Variants in CAPZB observed in about 807,000 individuals in gnomAD.
CAPZB encodes capping actin protein of muscle Z-line subunit beta.
Under a neutral mutation model 38.1 loss-of-function variants are expected in CAPZB, and 2 were observed. The observed-to-expected ratio is 0.05, with a 90% CI of 0.02 to 0.17. The LOEUF (loss-of-function observed/expected upper bound fraction) is 0.17, where lower values mean the gene tolerates loss of function less well. Among genes scored for constraint, CAPZB ranks in the 10% least tolerant of loss-of-function variants. CAPZB has a pLI of 1.00. For missense variants in CAPZB, 161 were observed against 334.2 expected (o/e 0.48, Z 4.04); for synonymous variants, 107 against 127.4 (o/e 0.84, Z 1.08).
intron 2 of CAPZB, among the ~76,000 whole-genome samples, chr1:19,407,515 G>A (rs7512231): frequency 0.052 from 7,975 of 152,238 alleles, 690 homozygotes; most frequent in African/African-American, 0.18. Context: ...AGGAGCAAGA[G>A]GTGAGCAGTG....
intron 1 of CAPZB, among the ~76,000 whole-genome samples, chr1:19,442,902 G>A (rs781155010): frequency 3.3e-5 from 5 of 152,038 alleles, no homozygotes; most frequent in African/African-American, 9.7e-5. Context: ...TCTGTGCGGC[G>A]CAAACAACCT....
rs183510966 is a variant in CAPZB at position 19,428,424 on chromosome 1, A to C, written c.4-8674T>G. ...CCACACCCTCCCCCCACCTGCCAAA[A>C]AAAAAAAGAAAAAGAAAAATAAGCC... On this transcript the variant is annotated intron_variant, in intron 1 of 8. Transcript: ENST00000264202. Among the ~76,000 whole-genome samples, 142 of 152,152 alleles carry C rather than the reference A, an allele frequency of 9.3e-4. 1 individual carries two copies. The highest frequency in any genetic ancestry group is 3.3e-3 in the African/African-American group (135 of 41,510).
At chr1:19,465,174 C>A (rs1351568432) in intron 1 of CAPZB, among the ~76,000 whole-genome samples, 3 of 151,978 alleles carry the variant, frequency 2.0e-5, no homozygotes, top group Non-Finnish European at 4.4e-5. Context: ...ATGCTGGTAC[C>A]CCCTCAAAAT....
At position 19,379,048 on chromosome 1, in the gene CAPZB, C is replaced by T. The variant is rs187849287; in HGVS notation, c.216-395G>A. Among the ~76,000 whole-genome samples, 129 of 151,700 alleles carry T rather than the reference C, an allele frequency of 8.5e-4. 1 individual carries two copies. The highest frequency in any genetic ancestry group is 8.2e-3 in the Admixed American group (125 of 15,264). On this transcript the variant is annotated intron_variant, in intron 3 of 8. Coordinates refer to ENST00000264202, the MANE Select transcript of CAPZB (RefSeq NM_004930.5). ...TGTCAGTGTTCAACAAATGCTAGTT[C>T]TTTCTTACCCGCTTTCTCAGTTTTG...
intron 1 of CAPZB, among the ~76,000 whole-genome samples, chr1:19,446,931 C>G (rs186991554): frequency 6.6e-6 from 1 of 152,178 alleles, no homozygotes; most frequent in South Asian, 2.1e-4. Context: ...TGATCCATCA[C>G]GCCAACTGGA....
At position 19,457,225 on chromosome 1, in the gene CAPZB, GC is replaced by G. The variant is rs1207523199; in HGVS notation, c.3+28210del. Among the ~76,000 whole-genome samples the G allele has an allele frequency of 7.9e-5, 12 of 152,246 alleles. No individual in the cohort carries two copies. The South Asian group carries it at 1.0e-3, about 13-fold the overall frequency. ...TTTCCTGAGGTTTACGGCTGATTAG[GC>G]CCCTTAGCCATACTGTAATGTGATC... is the stretch of plus-strand genomic sequence containing the variant. On this transcript the variant is annotated intron_variant, in intron 1 of 8. Coordinates refer to ENST00000264202, the MANE Select transcript of CAPZB (RefSeq NM_004930.5).
At chr1:19,465,268 C>T (rs2094565268) in intron 1 of CAPZB, among the ~76,000 whole-genome samples, 1 of 152,276 alleles carries the variant, frequency 6.6e-6, no homozygotes, top group South Asian at 2.1e-4. Context: ...GCCCCACCTT[C>T]ATGAATGACA....
chr1:19,448,687 A>T, intron 1 of CAPZB: 1 of 1,064,898 alleles, frequency 9.4e-7, no homozygotes, highest in Non-Finnish European at 1.3e-6. Context: ...CCTAGCCAAC[A>T]CATTTCCTGG....
chr1:19,344,312 A>G (rs766380571), intron 8 of CAPZB, 46 bp downstream of exon 8: 5 of 1,517,442 alleles, frequency 3.3e-6, no homozygotes, highest in Middle Eastern at 1.7e-4. Context: ...GCCAGGGTTC[A>G]AATCCCTCTG....
chr1:19,470,906 C>G (rs757597631), intron 1 of CAPZB, among the ~76,000 whole-genome samples: 35 of 152,206 alleles, frequency 2.3e-4, no homozygotes, highest in Non-Finnish European at 4.0e-4. Flanking sequence ...ATGCCACCAC[C>G]TGGCCTGCCT....
intron 1 of CAPZB, among the ~76,000 whole-genome samples, chr1:19,426,810 T>C (rs951571410): frequency 1.3e-5 from 2 of 152,352 alleles, no homozygotes; most frequent in East Asian, 3.9e-4. Context: ...AAATGAATTG[T>C]TCCTTTAAGT....
At chr1:19,464,591 C>G (rs1273292138) in intron 1 of CAPZB, among the ~76,000 whole-genome samples, 1 of 152,042 alleles carries the variant, frequency 6.6e-6, no homozygotes, top group Non-Finnish European at 1.5e-5. Flanking sequence ...CGCACCCGGC[C>G]CTATCTGTGA....
intron 6 of CAPZB, among the ~76,000 whole-genome samples, chr1:19,355,661 T>C (rs2094017068): frequency 6.6e-6 from 1 of 152,238 alleles, no homozygotes; most frequent in Admixed American, 6.5e-5. Context: ...AAGGGCATCC[T>C]TGCAGAAAGT....
chr1:19,419,643 T>C lies in CAPZB; in HGVS notation c.93+18A>G, dbSNP rs1173388122. On this transcript the variant is annotated intron_variant, in intron 2 of 8. Transcript: ENST00000264202. ...TTAGCCGCAGTCTCAAATGGAACCA[T>C]ATGAAGGAGGCACGTACCAGGTCGA... is the stretch of plus-strand genomic sequence containing the variant. The C allele has an allele frequency of 2.7e-6, 4 of 1,495,642 alleles. No individual in the cohort carries two copies. Among genetic ancestry groups the C allele is most frequent in the African/African-American group, 1.4e-5 (1 of 72,414 alleles). The allele number at this position is 1,495,642 out of a possible 1,614,324, so 92.6% of individuals were successfully genotyped here.
intron 1 of CAPZB, among the ~76,000 whole-genome samples, chr1:19,472,120 C>T (rs992735782): frequency 1.3e-5 from 2 of 152,092 alleles, no homozygotes; most frequent in African/African-American, 4.8e-5. Context: ...TTGATAAACG[C>T]CTCCAGATAA....
chr1:19,401,434 G>A (rs1347352252), intron 2 of CAPZB, among the ~76,000 whole-genome samples: 15 of 152,210 alleles, frequency 9.9e-5, no homozygotes, highest in Admixed American at 9.2e-4. Context: ...GGAATGGAAA[G>A]AATGTGGAAA....
At chr1:19,440,921 G>A (rs1260702364) in intron 1 of CAPZB, among the ~76,000 whole-genome samples, 1 of 152,112 alleles carries the variant, frequency 6.6e-6, no homozygotes, top group Non-Finnish European at 1.5e-5. Flanking sequence ...TTAGCCAGGT[G>A]TGGTGGCGGG....
At chr1:19,421,311 A>G (rs569117369) in intron 1 of CAPZB, among the ~76,000 whole-genome samples, 5 of 152,394 alleles carry the variant, frequency 3.3e-5, no homozygotes, top group South Asian at 2.1e-4. Flanking sequence ...CACCAGAGAC[A>G]TAACACATTA....
Position 19,356,784 on chromosome 1 carries a change from AG to A in CAPZB, c.472-34del, listed in dbSNP as rs771532104. 2.0e-6 allele frequency: 3 copies of A among 1,488,980 alleles called. No homozygotes were observed. Among genetic ancestry groups the A allele is most frequent in the Admixed American group, 3.4e-5 (2 of 59,344 alleles). The allele number at this position is 1,488,980 out of a possible 1,614,324, so 92.2% of individuals were successfully genotyped here. A position where few individuals can be genotyped will look rare whatever the true frequency, so the allele number is the denominator to read the frequency against. On this transcript the variant is annotated intron_variant, in intron 5 of 8. Transcript: ENST00000264202. The surrounding 1 kb of genome is among the most constrained non-coding windows in gnomAD (Gnocchi z 4.3). ...GACAAGACAGAGATCTGTTGAGCTG[AG>A]GGAGAGCCTGAAGTGGCCCCTGGAA...
Sources: gnomAD v4.1 joint callset for allele counts (sites outside exome capture counted in the v4.1 genomes callset) on GRCh38, gnomAD v4.1.1 for gene constraint, Gnocchi (gnomAD v3.1) non-coding constraint, MANE v1.5 for transcripts, NCBI Gene and HGNC (gene_info 2026-07-23, HGNC 2026-07-21) for gene names.